The following CIROZ variants were observed in gnomAD, a reference collection of about 807,000 sequenced individuals.
The protein encoded by CIROZ is ciliated left-right organizer ZP-N domains-containing protein.
the CIROZ span, among the ~76,000 whole-genome samples, chr1:10,981,525 A>AGGAAGGAAGGCAGGGAG: frequency 6.6e-6 from 1 of 150,702 alleles, no homozygotes; most frequent in Non-Finnish European, 1.5e-5. Flanking sequence ...GGAAGGAGAA[A>AGGAAGGAAGGCAGGGAG]GGAAGGAAGG....
At chr1:10,954,402 C>T in the CIROZ span, among the ~76,000 whole-genome samples, 66 of 150,454 alleles carry the variant, frequency 4.4e-4, no homozygotes, top group Non-Finnish European at 5.8e-4. Flanking sequence ...TTCAGTGAGC[C>T]GAGATCGCGC....
the CIROZ span, among the ~76,000 whole-genome samples, chr1:10,960,621 G>A: frequency 2.0e-5 from 3 of 152,228 alleles, no homozygotes; most frequent in Non-Finnish European, 4.4e-5. The surrounding 1 kb of genome is among the most constrained non-coding windows in gnomAD (Gnocchi z 4.6). Context: ...TAGTTATTGC[G>A]CGGCCTCCCG....
the CIROZ span, among the ~76,000 whole-genome samples, chr1:10,954,587 G>A: frequency 6.6e-6 from 1 of 152,164 alleles, no homozygotes; most frequent in African/African-American, 2.4e-5. Context: ...GAGCATACAT[G>A]GTGAAGTCCA....
At chr1:10,966,252 T>C in the CIROZ span, 9 of 1,339,998 alleles carry the variant, frequency 6.7e-6, no homozygotes, top group Non-Finnish European at 6.8e-6. Flanking sequence ...GCTCAGTTTC[T>C]GCAGAGGAAT....
At chr1:10,949,739 G>T in the CIROZ span, 35 of 1,589,050 alleles carry the variant, frequency 2.2e-5, no homozygotes, top group Non-Finnish European at 1.9e-5. Flanking sequence ...CGCTGGAGGG[G>T]TCTCTGGTCC....
At chr1:10,968,158 C>CAATA in the CIROZ span, among the ~76,000 whole-genome samples, 19 of 149,146 alleles carry the variant, frequency 1.3e-4, no homozygotes, top group South Asian at 2.5e-3. Flanking sequence ...GACTCCGTCT[C>CAATA]AATAAATAAA....
the CIROZ span, chr1:10,970,179 A>G: frequency 8.0e-7 from 1 of 1,251,984 alleles, no homozygotes; most frequent in Non-Finnish European, 1.1e-6. Context: ...GAAGGAAGGA[A>G]AAGAAGGAGC....
the CIROZ span, chr1:10,966,311 T>C: frequency 6.7e-7 from 1 of 1,485,370 alleles, no homozygotes; most frequent in Non-Finnish European, 8.9e-7. Context: ...GCTTAGCTCC[T>C]TAAATCTCCC....
chr1:10,955,068 C>T, the CIROZ span: 1 of 1,614,096 alleles, frequency 6.2e-7, no homozygotes, highest in Admixed American at 1.7e-5. Context: ...AGATGTTGGA[C>T]TGGTGGACTC....
the CIROZ span, chr1:10,964,111 C>A: frequency 6.2e-7 from 1 of 1,611,154 alleles, no homozygotes; most frequent in Non-Finnish European, 8.5e-7. Context: ...ACCTCCCAGA[C>A]CCCCCGAACC....
the CIROZ span, among the ~76,000 whole-genome samples, chr1:10,965,272 ACCACAG>A: frequency 6.6e-6 from 1 of 152,008 alleles, no homozygotes; most frequent in Admixed American, 6.6e-5. Flanking sequence ...CCCACTCCAG[ACCACAG>A]CCCCACTCAG....
At chr1:10,954,962 C>A in the CIROZ span, 2 of 1,574,134 alleles carry the variant, frequency 1.3e-6, no homozygotes, top group Non-Finnish European at 8.7e-7. Context: ...AGAGAAGGGG[C>A]GAGACAGAGA....
At chr1:10,959,086 G>C in the CIROZ span, among the ~76,000 whole-genome samples, 1 of 152,164 alleles carries the variant, frequency 6.6e-6, no homozygotes, top group Non-Finnish European at 1.5e-5. The surrounding 1 kb of genome is among the most constrained non-coding windows in gnomAD (Gnocchi z 4.3). Flanking sequence ...TGTTTCCTAG[G>C]CCTCTTGTCT....
the CIROZ span, among the ~76,000 whole-genome samples, chr1:10,967,931 G>A: frequency 5.9e-5 from 9 of 152,170 alleles, no homozygotes; most frequent in East Asian, 3.9e-4. Context: ...CCAAGGTCGC[G>A]CCACTGCACT....
At chr1:10,956,255 A>G in the CIROZ span, among the ~76,000 whole-genome samples, 1 of 152,138 alleles carries the variant, frequency 6.6e-6, no homozygotes, top group Non-Finnish European at 1.5e-5. Context: ...TTTATATGAC[A>G]TAAGACCCAG....
chr1:10,952,664 C>T, the CIROZ span, among the ~76,000 whole-genome samples: 1 of 152,100 alleles, frequency 6.6e-6, no homozygotes. Flanking sequence ...CAAGTAGCTG[C>T]GATTACAGAT....
chr1:10,975,756 C>T, the CIROZ span, among the ~76,000 whole-genome samples: 1 of 152,078 alleles, frequency 6.6e-6, no homozygotes, highest in Non-Finnish European at 1.5e-5. Flanking sequence ...GGCTCTGCTA[C>T]TCATTGCTAT....
chr1:10,981,173 G>A, the CIROZ span, among the ~76,000 whole-genome samples: 18 of 152,218 alleles, frequency 1.2e-4, no homozygotes, highest in African/African-American at 3.9e-4. Context: ...TTTTGGCCAA[G>A]TGCAGTGAGT....
the CIROZ span, among the ~76,000 whole-genome samples, chr1:10,973,886 C>T: frequency 6.6e-6 from 1 of 152,084 alleles, no homozygotes; most frequent in Non-Finnish European, 1.5e-5. Context: ...CCGGGTGCAG[C>T]GGCAGCTGCC....
Sources: allele counts gnomAD v4.1 joint callset (sites outside exome capture counted in the v4.1 genomes callset), GRCh38; gene constraint gnomAD v4.1.1; non-coding constraint Gnocchi (gnomAD v3.1); transcripts MANE v1.5; gene names NCBI Gene and HGNC (gene_info 2026-07-23, HGNC 2026-07-21).